Variants in PPP1R1C observed in about 807,000 individuals in gnomAD.
PPP1R1C encodes the protein protein phosphatase 1 regulatory inhibitor subunit 1C, also known as protein phosphatase 1 regulatory subunit 1C.
In PPP1R1C, 15 loss-of-function variants were observed where a neutral mutation model predicts 17.4. The observed-to-expected ratio is 0.86, with a 90% confidence interval of 0.58 to 1.33. The LOEUF (loss-of-function observed/expected upper bound fraction) is 1.33, where lower values mean the gene tolerates loss of function less well. PPP1R1C is among the 40% of genes most tolerant of loss of function. PPP1R1C has a pLI of 0.00. For missense variants in PPP1R1C, 143 were observed against 130.0 expected, an observed-to-expected ratio of 1.10 and a Z score of -0.48; for synonymous variants, 35 against 43.1, an observed-to-expected ratio of 0.81 and a Z score of 0.73.
intron 2 of PPP1R1C, among the ~76,000 whole-genome samples, chr2:182,003,473 C>T (rs775875506): frequency 1.3e-5 from 2 of 152,126 alleles, no homozygotes; most frequent in Non-Finnish European, 2.9e-5. Context: ...TTTTAAGATA[C>T]TCAGATTCCA....
At chr2:182,059,004 G>A (rs1329177141) in intron 2 of PPP1R1C, among the ~76,000 whole-genome samples, 2 of 152,062 alleles carry the variant, frequency 1.3e-5, no homozygotes, top group South Asian at 2.1e-4. Flanking sequence ...GAGACGCTGG[G>A]TGTTTGTAGT....
intron 4 of PPP1R1C, among the ~76,000 whole-genome samples, chr2:182,096,255 G>A (rs1263067025): frequency 1.3e-5 from 2 of 152,096 alleles, no homozygotes; most frequent in Non-Finnish European, 2.9e-5. Context: ...ATCCTTTTTG[G>A]CTTCTGGGTA....
At chr2:182,017,895 CT>C (rs575005449) in intron 2 of PPP1R1C, among the ~76,000 whole-genome samples, 1 of 151,994 alleles carries the variant, frequency 6.6e-6, no homozygotes, top group Non-Finnish European at 1.5e-5. Context: ...AAAGATCATA[CT>C]TTTTTGTTTT....
At chr2:182,118,618 G>A (rs1282114591), downstream of PPP1R1C, among the ~76,000 whole-genome samples, 4 of 151,410 alleles carry the variant, frequency 2.6e-5, no homozygotes, top group Non-Finnish European at 5.9e-5. Context: ...TTGAATATGA[G>A]TTTTGTAATG....
At chr2:181,973,099 A>C (rs1559041909) in intron 1 of PPP1R1C, among the ~76,000 whole-genome samples, 1 of 152,168 alleles carries the variant, frequency 6.6e-6, no homozygotes, top group Non-Finnish European at 1.5e-5. Flanking sequence ...GTGATCCCCA[A>C]AACAGGTTGC....
chr2:182,018,223 C>T (rs533095880), intron 2 of PPP1R1C, among the ~76,000 whole-genome samples: 100 of 152,216 alleles, frequency 6.6e-4, no homozygotes, highest in African/African-American at 2.3e-3. Context: ...AGTCTAGTTT[C>T]TATGCTGGAT....
At position 182,063,769 on chromosome 2, in the gene PPP1R1C, G is replaced by A. The variant is rs932427173; in HGVS notation, c.219G>A (p.Val73=). 1 of 1,612,810 alleles carries A rather than the reference G, an allele frequency of 6.2e-7. No individual in the cohort carries two copies. Among genetic ancestry groups the A allele is most frequent in the Non-Finnish European group, 8.5e-7 (1 of 1,179,104 alleles). Residue 73 remains valine (V), a synonymous_variant, in exon 4 of 5, where the codon GTG becomes GTA. Transcript: ENST00000682840. ...NASPKQRKQS[V]YTPPTIKGVK... is the part of the protein sequence containing the mutation. ...CCCCTAAGCAAAGGAAGCAGAGTGT[G>A]TACACACCACCCACCATAAAAGGTA...
chr2:182,003,591 T>G (rs1348507567), intron 2 of PPP1R1C, among the ~76,000 whole-genome samples: 1 of 152,116 alleles, frequency 6.6e-6, no homozygotes, highest in Non-Finnish European at 1.5e-5. Context: ...TTTATATCTC[T>G]GAATTTCCTA....
chr2:181,973,876 T>C (rs1350266242), intron 1 of PPP1R1C, among the ~76,000 whole-genome samples: 2 of 152,320 alleles, frequency 1.3e-5, no homozygotes, highest in East Asian at 3.9e-4. Context: ...ATCCCTGTTT[T>C]CTTTTTAAAA....
At chr2:182,073,364 TTC>T (rs1688195367) in intron 4 of PPP1R1C, among the ~76,000 whole-genome samples, 1 of 152,240 alleles carries the variant, frequency 6.6e-6, no homozygotes, top group Non-Finnish European at 1.5e-5. Flanking sequence ...TAAATAATCT[TTC>T]TGATTTAAAA....
intron 2 of PPP1R1C, among the ~76,000 whole-genome samples, chr2:182,014,355 CA>C: frequency 6.6e-6 from 1 of 152,314 alleles, no homozygotes; most frequent in East Asian, 1.9e-4. Context: ...GATTACCTAG[CA>C]GAAGCTCTTG....
chr2:181,974,849 C>T (rs1685068414), intron 1 of PPP1R1C, among the ~76,000 whole-genome samples: 2 of 152,170 alleles, frequency 1.3e-5, no homozygotes, highest in Admixed American at 1.3e-4. Context: ...ACCTGAACAT[C>T]GTTTAAAAGG....
chr2:182,004,573 G>A (rs1278625674), intron 2 of PPP1R1C, among the ~76,000 whole-genome samples: 1 of 152,240 alleles, frequency 6.6e-6, no homozygotes, highest in East Asian at 1.9e-4. Context: ...AGGCATTAGA[G>A]ATTCAATGCT....
In PPP1R1C at chr2:181,962,532, T is replaced by A. The variant is rs1437102661; in HGVS notation, n.111+7898T>A. 1 of 601,618 alleles carries A rather than the reference T, an allele frequency of 1.7e-6. No homozygotes were observed. The highest frequency in any genetic ancestry group is 3.0e-6 in the Non-Finnish European group (1 of 330,110). The allele number at this position is 601,618 out of a possible 1,614,324, so 37.3% of individuals were successfully genotyped here. A position where few individuals can be genotyped will look rare whatever the true frequency, so the allele number is the denominator to read the frequency against. ...GGACTCAGGCTTTGCCGACCCGTCA[T>A]AGCAGTTTTCTAAGGAACCTGCAGA... On this transcript the variant is annotated intron_variant and non_coding_transcript_variant, in intron 1 of 5. Transcript: ENST00000464264. The surrounding 1 kb of genome is among the most constrained non-coding windows in gnomAD (Gnocchi z 6.0).
chr2:182,005,581 G>A (rs1396881928), intron 2 of PPP1R1C, among the ~76,000 whole-genome samples: 2 of 152,156 alleles, frequency 1.3e-5, no homozygotes, highest in African/African-American at 4.8e-5. Flanking sequence ...TGAGTTAGAA[G>A]TAGCAAATTG....
chr2:182,070,793 AC>A (rs1490916865), intron 4 of PPP1R1C, among the ~76,000 whole-genome samples: 2 of 152,200 alleles, frequency 1.3e-5, no homozygotes, highest in African/African-American at 2.4e-5. Flanking sequence ...TGATGCTAGC[AC>A]CTGCTCGGCT....
At chr2:182,002,066 T>A (rs2125149822) in intron 2 of PPP1R1C, among the ~76,000 whole-genome samples, 1 of 152,262 alleles carries the variant, frequency 6.6e-6, no homozygotes, top group African/African-American at 2.4e-5. Context: ...GTGGACATAT[T>A]GCTGTTATAT....
At chr2:182,105,259 A>C (rs1319787204) in intron 4 of PPP1R1C, among the ~76,000 whole-genome samples, 1 of 152,206 alleles carries the variant, frequency 6.6e-6, no homozygotes, top group East Asian at 1.9e-4. Context: ...AGTGAATAGC[A>C]TTCTGAGACA....
At chr2:182,028,127 G>T (rs1301572852) in intron 2 of PPP1R1C, among the ~76,000 whole-genome samples, 24 of 136,830 alleles carry the variant, frequency 1.8e-4, no homozygotes, top group African/African-American at 5.2e-4. Context: ...TCTTGCTAGC[G>T]GTCTATCAAT....
Sources: allele counts gnomAD v4.1 joint callset (sites outside exome capture counted in the v4.1 genomes callset), GRCh38; gene constraint gnomAD v4.1.1; non-coding constraint Gnocchi (gnomAD v3.1); transcripts MANE v1.5; gene names NCBI Gene and HGNC (gene_info 2026-07-23, HGNC 2026-07-21).